SPIRE1: variants seen among roughly 807,000 people sequenced by gnomAD.
SPIRE1 encodes protein spire homolog 1.
In SPIRE1, 40 loss-of-function variants were observed where a neutral mutation model predicts 94.1. That is an observed-to-expected ratio of 0.43 (90% CI 0.33 to 0.55). The LOEUF is 0.55. Among genes scored for constraint, SPIRE1 ranks in the 20% least tolerant of loss-of-function variants. The pLI is 0.06. For synonymous variants in SPIRE1, 376 were observed against 371.7 expected (o/e 1.01, Z -0.13); for missense variants, 838 against 975.2 (o/e 0.86, Z 1.87).
intron 9 of SPIRE1, among the ~76,000 whole-genome samples, chr18:12,483,435 T>C (rs2032917969): frequency 6.6e-6 from 1 of 152,098 alleles, no homozygotes; most frequent in Non-Finnish European, 1.5e-5. Context: ...GTAAGCAAAA[T>C]ATTTAAGAGG....
intron 1 of SPIRE1, among the ~76,000 whole-genome samples, chr18:12,641,616 C>G (rs545988848): frequency 6.6e-6 from 1 of 152,066 alleles, no homozygotes; most frequent in South Asian, 2.1e-4. Context: ...ATCCGCCCAC[C>G]TCAGCCTCCC....
chr18:12,491,845 G>C (rs1020686065), intron 8 of SPIRE1, among the ~76,000 whole-genome samples: 3 of 152,156 alleles, frequency 2.0e-5, no homozygotes, highest in Non-Finnish European at 4.4e-5. Context: ...TGACAGCCTC[G>C]GCTGGGATAG....
chr18:12,466,179 T>C (rs2032089947), intron 10 of SPIRE1, among the ~76,000 whole-genome samples: 2 of 152,220 alleles, frequency 1.3e-5, no homozygotes, highest in Admixed American at 6.5e-5. Flanking sequence ...TAACTTGTTT[T>C]AGACTAAACA....
At chr18:12,626,437 A>T (rs1485460509) in intron 2 of SPIRE1, among the ~76,000 whole-genome samples, 1 of 152,190 alleles carries the variant, frequency 6.6e-6, no homozygotes, top group African/African-American at 2.4e-5. Flanking sequence ...TTCCTACAGT[A>T]CAGACCCTGT....
At chr18:12,518,650 G>A (rs1426641857) in intron 4 of SPIRE1, among the ~76,000 whole-genome samples, 1 of 151,950 alleles carries the variant, frequency 6.6e-6, no homozygotes, top group Non-Finnish European at 1.5e-5. Context: ...ATCACTGCAT[G>A]AGATTACCCC....
At position 12,559,410 on chromosome 18, in the gene SPIRE1, C is replaced by A. The variant is rs569624268; in HGVS notation, c.373-12506G>T. Reference sequence around the variant, plus strand: ...CTGGCCGGGCGAGACTGCACCCACCCGGAACTCGTGCTGGCCTGCGAACAC... The same window carrying A: ...CTGGCCGGGCGAGACTGCACCCACCAGGAACTCGTGCTGGCCTGCGAACAC... On this transcript the variant is annotated intron_variant, in intron 2 of 16. Coordinates refer to ENST00000409402, the MANE Select transcript of SPIRE1 (RefSeq NM_001128626.2). This position sits in a 1 kb window ranked among gnomAD's most constrained non-coding sequence, Gnocchi z 4.7. Among the ~76,000 whole-genome samples, 2 of 152,172 alleles carry A rather than the reference C, an allele frequency of 1.3e-5. No individual in the cohort carries two copies. The highest frequency in any genetic ancestry group is 2.4e-5 in the African/African-American group (1 of 41,452).
upstream of SPIRE1, among the ~76,000 whole-genome samples, chr18:12,661,658 C>G (rs1025923766): frequency 5.3e-5 from 8 of 151,922 alleles, no homozygotes; most frequent in Non-Finnish European, 1.2e-4. Flanking sequence ...GCCTGTAATC[C>G]CAGCTACTCG....
At chr18:12,592,191 G>C (rs897006977) in intron 2 of SPIRE1, among the ~76,000 whole-genome samples, 4 of 152,106 alleles carry the variant, frequency 2.6e-5, no homozygotes, top group Admixed American at 2.6e-4. Flanking sequence ...TCCTGGATTT[G>C]AGTTTGAGTC....
chr18:12,535,419 A>G, intron 4 of SPIRE1, 57 bp downstream of exon 4: 1 of 1,552,724 alleles, frequency 6.4e-7, no homozygotes, highest in African/African-American at 1.4e-5. Flanking sequence ...CTTCCAACAA[A>G]TATCAAATGC....
At chr18:12,498,285 G>GCT (rs2033531545) in intron 6 of SPIRE1, among the ~76,000 whole-genome samples, 1 of 152,162 alleles carries the variant, frequency 6.6e-6, no homozygotes, top group Admixed American at 6.5e-5. Flanking sequence ...AAGTAAACAA[G>GCT]CTCTCTGAAG....
At chr18:12,524,388 A>C (rs1372383019) in intron 4 of SPIRE1, among the ~76,000 whole-genome samples, 2 of 152,234 alleles carry the variant, frequency 1.3e-5, no homozygotes, top group East Asian at 3.8e-4. Flanking sequence ...TTAAACCAAA[A>C]TCCCATGTAA....
At chr18:12,465,310 G>A (rs2032046689) in intron 10 of SPIRE1, among the ~76,000 whole-genome samples, 1 of 152,040 alleles carries the variant, frequency 6.6e-6, no homozygotes, top group Admixed American at 6.6e-5. Flanking sequence ...CAGTAGCCAG[G>A]ATCACAGGTG....
At chr18:12,557,713 A>AAT (rs151266769) in intron 2 of SPIRE1, among the ~76,000 whole-genome samples, 73,678 of 146,784 alleles carry the variant, frequency 0.5, 20,193 homozygotes, top group Middle Eastern at 0.7. Flanking sequence ...ACAATATACA[A>AAT]ATATATATAT....
At chr18:12,658,169 A>AG, upstream of SPIRE1, 1 of 882,716 alleles carries the variant, frequency 1.1e-6, no homozygotes, top group South Asian at 1.8e-5. Flanking sequence ...CCCGCCCCTT[A>AG]GGGGGCCGCA....
intron 5 of SPIRE1, among the ~76,000 whole-genome samples, chr18:12,511,718 C>T (rs978039406): frequency 2.0e-5 from 3 of 151,846 alleles, no homozygotes; most frequent in Non-Finnish European, 4.4e-5. Context: ...TCCTTAATGA[C>T]GAGTATTTTA....
At chr18:12,500,966 G>A (rs2033636372) in intron 6 of SPIRE1, among the ~76,000 whole-genome samples, 1 of 151,444 alleles carries the variant, frequency 6.6e-6, no homozygotes, top group Non-Finnish European at 1.5e-5. Context: ...CAGCTACTTG[G>A]GAGGTGGAGG....
chr18:12,581,828 C>T (rs757716586), intron 2 of SPIRE1, among the ~76,000 whole-genome samples: 3 of 151,808 alleles, frequency 2.0e-5, no homozygotes, highest in Non-Finnish European at 4.4e-5. Flanking sequence ...CACACCACTG[C>T]ACTCCAGCCT....
intron 9 of SPIRE1, among the ~76,000 whole-genome samples, chr18:12,485,358 G>C (rs1055173111): frequency 4.6e-5 from 7 of 152,200 alleles, no homozygotes; most frequent in Admixed American, 2.0e-4. Flanking sequence ...GCCCACCTCA[G>C]CTTCCCAAAG....
intron 1 of SPIRE1, among the ~76,000 whole-genome samples, chr18:12,656,393 G>A (rs372100259): frequency 2.0e-5 from 3 of 151,942 alleles, no homozygotes; most frequent in Non-Finnish European, 2.9e-5. Flanking sequence ...TTTACCTGAC[G>A]CTAAAAAATA....
Sources: allele counts gnomAD v4.1 joint callset (sites outside exome capture counted in the v4.1 genomes callset), GRCh38; gene constraint gnomAD v4.1.1; non-coding constraint Gnocchi (gnomAD v3.1); transcripts MANE v1.5; gene names NCBI Gene and HGNC (gene_info 2026-07-23, HGNC 2026-07-21).